ENOX1: variants seen among roughly 807,000 people sequenced by gnomAD.
ENOX1 encodes the protein ecto-NOX disulfide-thiol exchanger 1.
A neutral mutation model predicts 82.5 loss-of-function variants in ENOX1; 42 were observed. The ratio of observed to expected loss-of-function variants is 0.51; its 90% CI spans 0.40 to 0.66. The LOEUF (loss-of-function observed/expected upper bound fraction) is 0.66. ENOX1 is among the 30% of genes least tolerant of loss of function. The probability of loss-of-function intolerance (pLI) is 0.00; values close to 1 mark genes in which losing one functional copy is unlikely to be tolerated. For synonymous variants in ENOX1, 271 were observed against 282.2 expected (o/e 0.96, Z 0.40); for missense variants, 608 against 811.6 (o/e 0.75, Z 3.05).
rs544317458 is a variant in ENOX1 at position 43,383,439 on chromosome 13, C to T, written c.209-21987G>A. On this transcript the variant is annotated intron_variant, in intron 5 of 16. Coordinates refer to ENST00000690772, the MANE Select transcript of ENOX1 (RefSeq NM_001347969.2). ...TAGAATTGAGGAGAGAAACATCATT[C>T]TGGGTGCTAAAATGAATATTAAGAT... Among the ~76,000 whole-genome samples the T allele has an allele frequency of 3.1e-3, 472 of 152,144 alleles. 1 individual carries two copies. The highest frequency in any genetic ancestry group is 0.011 in the African/African-American group (441 of 41,510).
intron 12 of ENOX1, among the ~76,000 whole-genome samples, chr13:43,288,461 T>A (rs961718916): frequency 1.3e-5 from 2 of 152,224 alleles, no homozygotes; most frequent in Non-Finnish European, 2.9e-5. Context: ...GGTTTTTATA[T>A]GTGTATGTCT....
At chr13:43,260,349 C>G (rs1022276560) in intron 14 of ENOX1, among the ~76,000 whole-genome samples, 2 of 152,146 alleles carry the variant, frequency 1.3e-5, no homozygotes, top group Non-Finnish European at 1.5e-5. Context: ...TCAGCATCAC[C>G]AATTAAACCT....
intron 1 of ENOX1, among the ~76,000 whole-genome samples, chr13:43,743,681 G>A (rs1949874770): frequency 6.6e-6 from 1 of 152,206 alleles, no homozygotes; most frequent in Non-Finnish European, 1.5e-5. Context: ...ACACAGGGAA[G>A]AAATGAAATC....
intron 8 of ENOX1, among the ~76,000 whole-genome samples, chr13:43,354,729 C>T (rs1421548422): frequency 6.6e-6 from 1 of 152,128 alleles, no homozygotes; most frequent in Non-Finnish European, 1.5e-5. Context: ...GCCATCTGGC[C>T]CAGACTGCCA....
intron 2 of ENOX1, among the ~76,000 whole-genome samples, chr13:43,617,891 TTTGTTGTTG>T (rs71099839): frequency 6.6e-6 from 1 of 151,438 alleles, no homozygotes; most frequent in Non-Finnish European, 1.5e-5. Context: ...CATCTACTGG[TTTGTTGTTG>T]TTGTTGTTGT....
At chr13:43,768,028 G>T (rs1951379509) in intron 1 of ENOX1, among the ~76,000 whole-genome samples, 1 of 152,118 alleles carries the variant, frequency 6.6e-6, no homozygotes, top group South Asian at 2.1e-4. Flanking sequence ...AATGTCAAAT[G>T]AACTGGTTCT....
intron 14 of ENOX1, among the ~76,000 whole-genome samples, chr13:43,237,698 T>G (rs1470842692): frequency 1.3e-5 from 2 of 152,174 alleles, no homozygotes; most frequent in Non-Finnish European, 2.9e-5. Context: ...ATAGGAGAGA[T>G]ATTTAGATAG....
At chr13:43,432,893 A>G (rs2055769478) in intron 3 of ENOX1, among the ~76,000 whole-genome samples, 2 of 152,172 alleles carry the variant, frequency 1.3e-5, no homozygotes, top group South Asian at 4.2e-4. Flanking sequence ...CTAGATACAA[A>G]TCGTTAACCC....
At chr13:43,456,921 C>G (rs2057258749) in intron 3 of ENOX1, among the ~76,000 whole-genome samples, 2 of 152,156 alleles carry the variant, frequency 1.3e-5, no homozygotes, top group Admixed American at 1.3e-4. Flanking sequence ...TCAGCTATTC[C>G]TCCTCCATCA....
chr13:43,619,966 C>T (rs564328570), intron 2 of ENOX1, among the ~76,000 whole-genome samples: 57 of 152,158 alleles, frequency 3.7e-4, no homozygotes, highest in African/African-American at 1.1e-3. Flanking sequence ...TCTAACTCTT[C>T]CTGATTTAAG....
intron 3 of ENOX1, among the ~76,000 whole-genome samples, chr13:43,460,468 A>G (rs1335610367): frequency 6.6e-6 from 1 of 152,126 alleles, no homozygotes; most frequent in Non-Finnish European, 1.5e-5. Flanking sequence ...TTGCCCAGTA[A>G]TAAGGAGTTT....
At chr13:43,733,530 T>C (rs1180489030) in intron 1 of ENOX1, among the ~76,000 whole-genome samples, 1 of 152,206 alleles carries the variant, frequency 6.6e-6, no homozygotes, top group East Asian at 1.9e-4. Context: ...GAATGCTCCA[T>C]AGAAAAAGAC....
intron 2 of ENOX1, among the ~76,000 whole-genome samples, chr13:43,494,982 T>G (rs1478050783): frequency 1.3e-5 from 2 of 152,128 alleles, no homozygotes; most frequent in Non-Finnish European, 2.9e-5. Context: ...GTAAGAACAC[T>G]GACAGAATGT....
chr13:43,704,564 T>A (rs972578366), intron 1 of ENOX1, among the ~76,000 whole-genome samples: 8 of 152,126 alleles, frequency 5.3e-5, no homozygotes, highest in African/African-American at 1.9e-4. Flanking sequence ...CTGGTTAGTA[T>A]GAAGAGTCAG....
intron 3 of ENOX1, among the ~76,000 whole-genome samples, chr13:43,483,459 T>TAC (rs1002338499): frequency 4.9e-4 from 74 of 150,896 alleles, no homozygotes; most frequent in Admixed American, 1.1e-3. Context: ...TTAATACACA[T>TAC]ACACACACAC....
At chr13:43,751,728 T>C (rs1193182008) in intron 1 of ENOX1, among the ~76,000 whole-genome samples, 1 of 152,214 alleles carries the variant, frequency 6.6e-6, no homozygotes, top group East Asian at 1.9e-4. Context: ...ATTTTACTGC[T>C]GAGTAGTTTC....
At chr13:43,247,874 TATATA>T (rs2043209178) in intron 14 of ENOX1, among the ~76,000 whole-genome samples, 3 of 2,636 alleles carry the variant, frequency 1.1e-3, no homozygotes, top group Non-Finnish European at 2.3e-3. Flanking sequence ...TATATATATA[TATATA>T]TATATTTTTT....
At position 43,356,125 on chromosome 13, in the gene ENOX1, G is replaced by C. The variant is rs371252384; in HGVS notation, c.617C>G (p.Thr206Ser). ...AAGGCGGCCTGAATCCTTTTTGTCGGTGCTAGACCCTAATCGCATCCTATA... is the reference window on the plus strand; with the variant it reads ...AAGGCGGCCTGAATCCTTTTTGTCGCTGCTAGACCCTAATCGCATCCTATA... ...SGYRMRLGSS[T>S]DKKDSGRLHV... The change falls in exon 8 of 17, where the codon ACC (threonine) becomes AGC (serine). Residue 206 changes from threonine to serine, a missense_variant. Thr to Ser is a moderately conservative substitution (Grantham distance 58). Coordinates refer to ENST00000690772, the MANE Select transcript of ENOX1 (RefSeq NM_001347969.2). 6.2e-7 allele frequency: 1 copy of C among 1,614,162 alleles called. No individual in the cohort carries two copies. Among genetic ancestry groups the C allele is most frequent in the Non-Finnish European group, 8.5e-7 (1 of 1,180,036 alleles).
Position 43,421,870 on chromosome 13 carries a change from GT to G in ENOX1, c.-74-8883del, listed in dbSNP as rs551689334. ...TATAAATTTATAAAATATATTTTAC[GT>G]TTTATATAAAATATAAATATTTTAC... On this transcript the variant is annotated intron_variant, in intron 3 of 16. Transcript: ENST00000690772. Among the ~76,000 whole-genome samples the G allele has an allele frequency of 5.2e-3, 770 of 149,026 alleles. 1 individual carries two copies. The highest frequency in any genetic ancestry group is 8.4e-3 in the Non-Finnish European group (569 of 67,350).
Sources: allele counts gnomAD v4.1 joint callset (sites outside exome capture counted in the v4.1 genomes callset), GRCh38; gene constraint gnomAD v4.1.1; transcripts MANE v1.5; gene names NCBI Gene and HGNC (gene_info 2026-07-23, HGNC 2026-07-21).